Variants in SDC1 observed in about 807,000 individuals in gnomAD.
The protein encoded by SDC1 is syndecan 1.
Under a neutral mutation model 29.7 loss-of-function variants are expected in SDC1, and 14 were observed. That is an observed-to-expected ratio of 0.47 (90% CI 0.31 to 0.74). SDC1 has a LOEUF of 0.74. Ranked by LOEUF, SDC1 falls within the 30% of genes least tolerant of loss-of-function variation. SDC1 has a pLI of 0.05. For synonymous variants in SDC1, 204 were observed against 175.5 expected, an observed-to-expected ratio of 1.16 and a Z score of -1.29; for missense variants, 406 against 400.3, an observed-to-expected ratio of 1.01 and a Z score of -0.12.
chr2:20,214,047 C>T (rs1351169052), intron 1 of SDC1, among the ~76,000 whole-genome samples: 2 of 152,150 alleles, frequency 1.3e-5, no homozygotes, highest in Non-Finnish European at 2.9e-5. Context: ...TGGGGAGGGG[C>T]TAACTCTGGA....
At position 20,203,915 on chromosome 2, in the gene SDC1, A is replaced by C. The variant is rs1274691091; in HGVS notation, c.525T>G (p.Leu175=). The change falls in exon 3 of 5, where the codon CTT becomes CTG. Residue 175 remains leucine (L), a synonymous_variant. Transcript: ENST00000254351. ...CTCCATCCTCTGTGTGGGGAGTGTG[A>C]AGGTCAGCTTGGCTGGGTCCTGCAG... is the stretch of plus-strand genomic sequence containing the variant. ...STPAGPSQAD[L]HTPHTEDGGP... is the part of the protein sequence containing the mutation. 1 of 1,613,810 alleles carries C rather than the reference A, an allele frequency of 6.2e-7. No individual in the cohort carries two copies. The highest frequency in any genetic ancestry group is 1.1e-5 in the South Asian group (1 of 91,066).
In SDC1 at chr2:20,202,783, C is replaced by T; in HGVS notation, c.916G>A (p.Glu306Lys). The T allele has an allele frequency of 6.2e-7, 1 of 1,610,040 alleles. No individual in the cohort carries two copies. The highest frequency in any genetic ancestry group is 1.1e-5 in the South Asian group (1 of 90,310). ...GGAYQKPTKQ[E>K]EFYA Reference sequence around the variant, plus strand: ...CTCCCGCGTCAGGCATAGAATTCCTCCTGTTTGGTGGGCTTCTGGTAGGCC... The same window carrying T: ...CTCCCGCGTCAGGCATAGAATTCCTTCTGTTTGGTGGGCTTCTGGTAGGCC... The change falls in exon 5 of 5, where the codon GAG (glutamate) becomes AAG (lysine). Residue 306 changes from glutamate to lysine, a missense_variant. Coordinates refer to ENST00000254351, the MANE Select transcript of SDC1 (RefSeq NM_002997.5).
chr2:20,223,183 T>A (rs1303853058), intron 1 of SDC1: 1 of 1,190,302 alleles, frequency 8.4e-7, no homozygotes, highest in Non-Finnish European at 1.1e-6. Flanking sequence ...GACCGGAAAA[T>A]GTCTGGAAGC....
At chr2:20,213,200 G>A (rs1171876449) in intron 1 of SDC1, among the ~76,000 whole-genome samples, 2 of 152,220 alleles carry the variant, frequency 1.3e-5, no homozygotes, top group Non-Finnish European at 2.9e-5. Flanking sequence ...CACATGCCAG[G>A]ACTGGTCTCA....
At chr2:20,222,355 C>G (rs1014259080) in intron 1 of SDC1, among the ~76,000 whole-genome samples, 1 of 152,200 alleles carries the variant, frequency 6.6e-6, no homozygotes, top group Non-Finnish European at 1.5e-5. Flanking sequence ...TGCCTGATTT[C>G]TTTTAGGAAA....
chr2:20,213,638 C>A (rs1677541847), intron 1 of SDC1, among the ~76,000 whole-genome samples: 1 of 152,160 alleles, frequency 6.6e-6, no homozygotes, highest in African/African-American at 2.4e-5. Context: ...CCTAAAGAGC[C>A]CACCAAGGTC....
intron 1 of SDC1, among the ~76,000 whole-genome samples, chr2:20,215,744 C>T (rs866829665): frequency 3.7e-4 from 57 of 152,234 alleles, no homozygotes; most frequent in African/African-American, 1.3e-3. Flanking sequence ...AAGAATCGTG[C>T]TCACGATGAC....
upstream of SDC1, chr2:20,225,265 C>G (rs1315258254): frequency 6.3e-6 from 1 of 158,738 alleles, no homozygotes; most frequent in African/African-American, 2.4e-5. Context: ...TTCTTGCCTG[C>G]TTGGCTCCCG....
chr2:20,203,809 T>G lies in SDC1; in HGVS notation c.627+4A>C, dbSNP rs1412166150. ...ATTTCCCAAGGAATGCAGAGGCCAC[T>G]CACCTGCTCCCCAGAGCCCTCTGCT... On this transcript the variant is annotated splice_donor_region_variant and intron_variant, in intron 3 of 4. Transcript: ENST00000254351. The G allele has an allele frequency of 1.3e-6, 2 of 1,567,640 alleles. No homozygotes were observed. Among genetic ancestry groups the G allele is most frequent in the South Asian group, 2.3e-5 (2 of 87,162 alleles).
intron 2 of SDC1, 74 bp from the exon 3 acceptor site, chr2:20,204,365 G>T: frequency 1.1e-6 from 1 of 934,778 alleles, no homozygotes. Context: ...TGTTGGGTGG[G>T]TCGGGGGAGG....
chr2:20,221,413 C>T (rs1160829115), intron 1 of SDC1, among the ~76,000 whole-genome samples: 1 of 152,156 alleles, frequency 6.6e-6, no homozygotes, highest in African/African-American at 2.4e-5. Context: ...GGGCACCAGG[C>T]AGAGGGGCAA....
intron 1 of SDC1, among the ~76,000 whole-genome samples, chr2:20,213,349 A>C (rs1321598468): frequency 6.6e-6 from 1 of 152,096 alleles, no homozygotes; most frequent in Non-Finnish European, 1.5e-5. Context: ...AAGCAACCCA[A>C]CCCAGGCCCT....
intron 1 of SDC1, among the ~76,000 whole-genome samples, chr2:20,206,450 AAGTC>A (rs917090702): frequency 5.3e-5 from 8 of 152,316 alleles, no homozygotes; most frequent in Admixed American, 5.2e-4. Context: ...GGAGGGCAGA[AAGTC>A]AGGACTGCCT....
At position 20,204,237 on chromosome 2, in the gene SDC1, G is replaced by A. The variant is rs141315088; in HGVS notation, c.203C>T (p.Thr68Met). ...CGTGGGAATAGCCGTCAGGAGCTGC[G>A]TGTCCTTCCAAGTGGAGGGGGTCTG... ...SQQTPSTWKD[T>M]QLLTAIPTSP... Residue 68 changes from threonine (T) to methionine (M), a missense_variant, in exon 3 of 5, where the codon ACG becomes ATG. Thr to Met is a moderately conservative substitution (Grantham distance 81). Coordinates refer to ENST00000254351, the MANE Select transcript of SDC1 (RefSeq NM_002997.5). 3.2e-3 allele frequency: 5,097 copies of A among 1,593,916 alleles called. 40 individuals carry two copies. Among genetic ancestry groups the A allele is most frequent in the Admixed American group, 0.011 (651 of 59,320 alleles).
rs371275415 is a variant in SDC1, at chr2:20,222,864, A to G, written c.66+1938T>C. 2.7e-4 allele frequency among the ~76,000 whole-genome samples: 41 copies of G among 152,310 alleles called. No homozygotes were observed. In the South Asian group the frequency reaches 7.9e-3, roughly 29 times the overall value. ...GCAGCCCTCCTAAATCCAGCCGGAA[A>G]TAGGTGGAGGACCCAACTTCAGCCG... On this transcript the variant is annotated intron_variant, in intron 1 of 4. Transcript: ENST00000254351.
At chr2:20,205,062 G>A (rs974337816) in intron 2 of SDC1, among the ~76,000 whole-genome samples, 2 of 152,230 alleles carry the variant, frequency 1.3e-5, no homozygotes, top group African/African-American at 4.8e-5. Context: ...AGTGAGTAAA[G>A]CTATTCCTAG....
intron 1 of SDC1, among the ~76,000 whole-genome samples, chr2:20,211,036 T>C (rs1677449870): frequency 6.6e-6 from 1 of 152,078 alleles, no homozygotes; most frequent in Non-Finnish European, 1.5e-5. Context: ...GGGGCTGATA[T>C]CTCTGAGCTG....
Position 20,224,005 on chromosome 2 carries a change from G to A in SDC1, c.66+797C>T, listed in dbSNP as rs1014791937. On this transcript the variant is annotated intron_variant, in intron 1 of 4. Transcript: ENST00000254351. This position sits in a 1 kb window ranked among gnomAD's most constrained non-coding sequence, Gnocchi z 4.9. Reference sequence around the variant, plus strand: ...CGGCTTCAGCACAAAGCCGAGCCGGGGAGCGGGAGGCCATTCCCGGGTCCC... The same window carrying A: ...CGGCTTCAGCACAAAGCCGAGCCGGAGAGCGGGAGGCCATTCCCGGGTCCC... Among the ~76,000 whole-genome samples the A allele has an allele frequency of 6.6e-6, 1 of 152,182 alleles. No individual in the cohort carries two copies. Among genetic ancestry groups the A allele is most frequent in the African/African-American group, 2.4e-5 (1 of 41,460 alleles).
At chr2:20,221,051 A>G (rs1677800259) in intron 1 of SDC1, among the ~76,000 whole-genome samples, 1 of 152,144 alleles carries the variant, frequency 6.6e-6, no homozygotes, top group Non-Finnish European at 1.5e-5. Context: ...TTCTCCACTG[A>G]GAGAGGCCCC....
Sources: allele counts gnomAD v4.1 joint callset (sites outside exome capture counted in the v4.1 genomes callset), GRCh38; gene constraint gnomAD v4.1.1; non-coding constraint Gnocchi (gnomAD v3.1); transcripts MANE v1.5; gene names NCBI Gene and HGNC (gene_info 2026-07-23, HGNC 2026-07-21).